CD164: variants seen among roughly 807,000 people sequenced by gnomAD.
CD164 encodes CD164 molecule, also known as sialomucin core protein 24.
A neutral mutation model predicts 24.6 loss-of-function variants in CD164; 11 were observed. That is an observed-to-expected ratio of 0.45 (90% CI 0.28 to 0.74). The LOEUF (loss-of-function observed/expected upper bound fraction) is 0.74. Among genes scored for constraint, CD164 ranks in the 30% least tolerant of loss-of-function variants. CD164 has a pLI of 0.13. For synonymous variants in CD164, 126 were observed against 100.3 expected (o/e 1.26, Z -1.53); for missense variants, 295 against 243.7 (o/e 1.21, Z -1.40).
At chr6:109,373,393 G>A (rs910068325) in intron 4 of CD164, among the ~76,000 whole-genome samples, 15 of 151,992 alleles carry the variant, frequency 9.9e-5, no homozygotes, top group East Asian at 1.9e-4. Context: ...TGCTCTCTTC[G>A]GCAGACGGTA....
intron 4 of CD164, chr6:109,372,783 G>A (rs1379464611): frequency 2.0e-5 from 3 of 152,148 alleles, no homozygotes; most frequent in African/African-American, 7.2e-5. Context: ...ATCAAATTCT[G>A]TTCAATCTCA....
In CD164 at chr6:109,367,433, C is replaced by A. The variant is rs747516868; in HGVS notation, c.*1418G>T. On this transcript the variant is annotated 3_prime_UTR_variant, in exon 6 of 6. Transcript: ENST00000310786. ...AAACTAAATAAAAAACGTTAATGACCTAGAAAAGCAAAAGCCCATTTTAAA... is the reference window on the plus strand; with the variant it reads ...AAACTAAATAAAAAACGTTAATGACATAGAAAAGCAAAAGCCCATTTTAAA... 24 of 152,190 alleles carry A rather than the reference C, an allele frequency of 1.6e-4. No homozygotes were observed. The highest frequency in any genetic ancestry group is 3.1e-4 in the Non-Finnish European group (21 of 67,988). 9.4% of individuals were successfully genotyped at this position (152,190 alleles called of 1,614,324 possible).
At chr6:109,375,627 A>AAAAAAG (rs558899854) in intron 4 of CD164, among the ~76,000 whole-genome samples, 33,707 of 144,500 alleles carry the variant, frequency 0.23, 4,393 homozygotes, top group Middle Eastern at 0.31. Context: ...CAAAAAAAAA[A>AAAAAAG]AAAGAAAAGA....
At chr6:109,369,272 A>G (rs1353847235) in intron 5 of CD164, among the ~76,000 whole-genome samples, 1 of 152,230 alleles carries the variant, frequency 6.6e-6, no homozygotes, top group Non-Finnish European at 1.5e-5. Flanking sequence ...CTCCTAGTAC[A>G]TAAATTGTGC....
At chr6:109,377,376 T>C (rs761650977) in intron 3 of CD164, among the ~76,000 whole-genome samples, 5 of 152,172 alleles carry the variant, frequency 3.3e-5, no homozygotes, top group Non-Finnish European at 7.4e-5. Flanking sequence ...TACAATCTCA[T>C]TGGAAAAATC....
chr6:109,377,692 A>G (rs1176202371), intron 3 of CD164, among the ~76,000 whole-genome samples: 1 of 152,006 alleles, frequency 6.6e-6, no homozygotes, highest in Non-Finnish European at 1.5e-5. Flanking sequence ...CCACACTTAC[A>G]GCATCCACAC....
intron 1 of CD164, among the ~76,000 whole-genome samples, chr6:109,381,200 A>T (rs1023079325): frequency 1.3e-5 from 2 of 152,128 alleles, no homozygotes; most frequent in African/African-American, 4.8e-5. Context: ...ATTACCTCAA[A>T]CTTATCTTCC....
chr6:109,374,028 C>T (rs914343411), intron 4 of CD164, among the ~76,000 whole-genome samples: 46 of 152,198 alleles, frequency 3.0e-4, no homozygotes, highest in African/African-American at 5.8e-4. Context: ...TGAAAAACTA[C>T]GCCCACAACC....
At chr6:109,372,931 T>C (rs1198964036) in intron 4 of CD164, 1 of 152,126 alleles carries the variant, frequency 6.6e-6, no homozygotes, top group Non-Finnish European at 1.5e-5. Context: ...ATTTTCGATT[T>C]TGAAAAAAGT....
chr6:109,380,822 GA>G (rs1488305103), intron 1 of CD164, among the ~76,000 whole-genome samples: 2 of 152,094 alleles, frequency 1.3e-5, no homozygotes, highest in Non-Finnish European at 2.9e-5. Flanking sequence ...CTACAATTCT[GA>G]AAGGAAACTG....
rs779284329 is a variant in CD164, at chr6:109,368,859, T to C, written c.586A>G (p.Thr196Ala). ...TAATTCAATGGGTCTGTTTACAGAG[T>C]GTGGTAATTTCGTTCTTTAGATTTG... is the stretch of plus-strand genomic sequence containing the variant. Reference protein sequence around the residue: ...FCKSKERNYHTL With the variant: ...FCKSKERNYHAL The change falls in exon 6 of 6, where the codon ACT becomes GCT. Residue 196 changes from threonine to alanine, a missense_variant. Transcript: ENST00000310786. The C allele has an allele frequency of 3.1e-6, 5 of 1,612,628 alleles. No individual in the cohort carries two copies. In the South Asian group the frequency reaches 4.4e-5, roughly 14 times the overall value.
intron 3 of CD164, 150 bp downstream of exon 3, chr6:109,377,750 T>G (rs1448185740): frequency 1.7e-6 from 1 of 598,506 alleles, no homozygotes; most frequent in East Asian, 2.8e-5. Context: ...CTTTAATCAA[T>G]CAATATGAAT....
chr6:109,366,745 A>C lies in CD164; in HGVS notation c.*2106T>G, dbSNP rs1770778353. On this transcript the variant is annotated 3_prime_UTR_variant, in exon 6 of 6. Transcript: ENST00000310786. ...TACCTTCTGGATTTTAAAAAAACCCAAAAATTAATGGCTCAAGATACTACA... is the reference window on the plus strand; with the variant it reads ...TACCTTCTGGATTTTAAAAAAACCCCAAAATTAATGGCTCAAGATACTACA... The C allele has an allele frequency of 6.6e-6, 1 of 152,652 alleles. No individual in the cohort carries two copies. The highest frequency in any genetic ancestry group is 1.5e-5 in the Non-Finnish European group (1 of 68,040). 9.5% of individuals were successfully genotyped at this position (152,652 alleles called of 1,614,324 possible).
At position 109,368,922 on chromosome 6, in the gene CD164, C is replaced by T. The variant is rs1770922270; in HGVS notation, c.523G>A (p.Gly175Ser). The change falls in exon 6 of 6, where the codon GGT becomes AGT. Residue 175 changes from glycine to serine, a missense_variant. Coordinates refer to ENST00000310786, the MANE Select transcript of CD164 (RefSeq NM_006016.6). Reference protein sequence around the residue: ...SFIGGIVLVLGVQAVIFFLYK... With the variant: ...SFIGGIVLVLSVQAVIFFLYK... ...AGAAAGAAAATTACAGCCTGCACAC[C>T]CAAGACCAGGACAATTCCTCCAATG... is the stretch of plus-strand genomic sequence containing the variant. 6.2e-7 allele frequency: 1 copy of T among 1,613,634 alleles called. No individual in the cohort carries two copies. The highest frequency in any genetic ancestry group is 1.7e-5 in the Admixed American group (1 of 59,934).
At chr6:109,381,544 T>C (rs1226581988) in intron 1 of CD164, 3 of 702,484 alleles carry the variant, frequency 4.3e-6, no homozygotes, top group Non-Finnish European at 7.8e-6. Context: ...AAACACCCGG[T>C]ACATACATGG....
At chr6:109,375,249 G>A (rs915959443) in intron 4 of CD164, among the ~76,000 whole-genome samples, 1 of 152,080 alleles carries the variant, frequency 6.6e-6, no homozygotes, top group Non-Finnish European at 1.5e-5. Flanking sequence ...TCACTGCATG[G>A]AGAATGAGAG....
intron 1 of CD164, chr6:109,381,863 GC>G: frequency 2.1e-6 from 1 of 484,050 alleles, no homozygotes. Context: ...CCCCACCGCT[GC>G]CCCCGCGGAA....
At chr6:109,378,089 A>G in intron 2 of CD164, 118 bp from the exon 3 acceptor site, 1 of 771,526 alleles carries the variant, frequency 1.3e-6, no homozygotes, top group Non-Finnish European at 2.1e-6. Context: ...GGGCAGGGGG[A>G]ACCACTTTAG....
At chr6:109,381,376 T>C in intron 1 of CD164, 1 of 632,564 alleles carries the variant, frequency 1.6e-6, no homozygotes, top group Non-Finnish European at 2.8e-6. Context: ...CTACTAAACA[T>C]ACGCTATCTG....
Sources: gnomAD v4.1 joint callset for allele counts (sites outside exome capture counted in the v4.1 genomes callset) on GRCh38, gnomAD v4.1.1 for gene constraint, MANE v1.5 for transcripts, NCBI Gene and HGNC (gene_info 2026-07-23, HGNC 2026-07-21) for gene names.